ZNF728: variants seen among roughly 807,000 people sequenced by gnomAD.
The protein encoded by ZNF728 is zinc finger protein 728.
A neutral mutation model predicts 12.5 loss-of-function variants in ZNF728; 12 were observed. The observed-to-expected ratio is 0.96, with a 90% CI of 0.61 to 1.55. ZNF728 has a LOEUF of 1.55. ZNF728 is among the 40% of genes most tolerant of loss of function. ZNF728 has a pLI of 0.00. For missense variants in ZNF728, 692 were observed against 719.2 expected, an observed-to-expected ratio of 0.96 and a Z score of 0.43; for synonymous variants, 205 against 240.7, an observed-to-expected ratio of 0.85 and a Z score of 1.37.
rs768463416 is a variant in ZNF728, at chr19:22,975,557, A to C, written c.1780T>G (p.Cys594Gly). 1.3e-6 allele frequency: 2 copies of C among 1,589,672 alleles called. No individual in the cohort carries two copies. Among genetic ancestry groups the C allele is most frequent in the South Asian group, 2.3e-5 (2 of 88,562 alleles). The stretch of plus-strand genomic sequence containing the variant: ...TTGAAGTCTTTACCACATTCTTCAC[A>C]TTTGTAGAATTTCTTTCCAGCATGA... ...KIHAGKKFYK[C>G]EECGKDFNQS... Residue 594 changes from cysteine (C) to glycine (G), a missense_variant, in exon 4 of 4, where the codon TGT becomes GGT. Transcript: ENST00000594710.
chr19:22,977,673 A>G (rs1968821067), intron 3 of ZNF728, among the ~76,000 whole-genome samples: 1 of 152,182 alleles, frequency 6.6e-6, no homozygotes, highest in Non-Finnish European at 1.5e-5. Flanking sequence ...ACTACTTTTC[A>G]GAAGAAACAT....
intron 1 of ZNF728, among the ~76,000 whole-genome samples, chr19:22,991,445 A>T (rs1021034502): frequency 6.6e-6 from 1 of 152,230 alleles, no homozygotes; most frequent in African/African-American, 2.4e-5. Flanking sequence ...TGAAAGGGAT[A>T]CAGATGGAAA....
chr19:22,993,605 GC>G (rs200482690), intron 1 of ZNF728, among the ~76,000 whole-genome samples: 2 of 150,934 alleles, frequency 1.3e-5, no homozygotes, highest in Non-Finnish European at 1.5e-5. Context: ...ATTTGCAAAG[GC>G]AAAAAAAAAG....
chr19:22,993,451 T>C (rs1270303950), intron 1 of ZNF728, among the ~76,000 whole-genome samples: 2 of 152,212 alleles, frequency 1.3e-5, no homozygotes, highest in African/African-American at 2.4e-5. Flanking sequence ...TAGAACATTC[T>C]AAATAATATT....
chr19:22,978,428 C>T (rs1316531506), intron 3 of ZNF728, among the ~76,000 whole-genome samples: 1 of 152,106 alleles, frequency 6.6e-6, no homozygotes, highest in Non-Finnish European at 1.5e-5. Flanking sequence ...ATATGTCTTC[C>T]ATAGGAAAGA....
At chr19:22,986,733 A>T (rs997764825) in intron 3 of ZNF728, among the ~76,000 whole-genome samples, 4 of 152,162 alleles carry the variant, frequency 2.6e-5, no homozygotes, top group Non-Finnish European at 5.9e-5. Flanking sequence ...GTAATGAAAA[A>T]TACAATCATA....
At chr19:23,001,808 G>A (rs1247159677) in intron 1 of ZNF728, among the ~76,000 whole-genome samples, 1 of 152,148 alleles carries the variant, frequency 6.6e-6, no homozygotes, top group African/African-American at 2.4e-5. Context: ...AGGGGAAATT[G>A]GCATTTGGGA....
chr19:23,001,897 T>C lies in ZNF728; in HGVS notation c.3+1131A>G, dbSNP rs547110471. Among the ~76,000 whole-genome samples, 268 of 152,302 alleles carry C rather than the reference T, an allele frequency of 1.8e-3. 1 individual carries two copies. Among genetic ancestry groups the C allele is most frequent in the Middle Eastern group, 6.8e-3 (2 of 294 alleles). On this transcript the variant is annotated intron_variant, in intron 1 of 3. Transcript: ENST00000594710. ...GAGAAATAGGGGATGGGGGATGGAC[T>C]TGAGGCCCTACTTGGGACACATGTG... is the stretch of plus-strand genomic sequence containing the variant.
At chr19:23,000,792 C>G (rs186175840) in intron 1 of ZNF728, among the ~76,000 whole-genome samples, 1 of 142,650 alleles carries the variant, frequency 7.0e-6, no homozygotes, top group Non-Finnish European at 1.5e-5. Context: ...CACTTGAACT[C>G]GTGATGCAGA....
intron 2 of ZNF728, 76 bp from the exon 3 acceptor site, chr19:22,987,479 G>C: frequency 1.5e-6 from 2 of 1,328,792 alleles, no homozygotes; most frequent in Non-Finnish European, 2.0e-6. Context: ...GCTCAGTAAA[G>C]AGGATGTGAT....
chr19:23,000,662 C>G (rs2463794), intron 1 of ZNF728, among the ~76,000 whole-genome samples: 151,684 of 151,902 alleles, frequency 1, 75,736 homozygotes, highest in Non-Finnish European at 1. Context: ...TCAGAATTTT[C>G]AGCTCAAACA....
rs774396404 is a variant in ZNF728 at position 22,976,346 on chromosome 19, T to G, written c.991A>C (p.Lys331Gln). 5.0e-6 allele frequency: 8 copies of G among 1,613,532 alleles called. No individual in the cohort carries two copies. The South Asian group carries it at 7.7e-5, about 16-fold the overall frequency. ...GGCTTCTCTCCAGTATGAATTCTCT[T>G]ATGTTCCATAAGGTTTGAGGACCGG... is the stretch of plus-strand genomic sequence containing the variant. ...FNRSSNLMEH[K>Q]RIHTGEKPCK... is the part of the protein sequence containing the mutation. The change falls in exon 4 of 4, where the codon AAG becomes CAG. Residue 331 changes from lysine to glutamine, a missense_variant. Physicochemically the swap from Lys to Gln is moderately conservative, Grantham distance 53. Coordinates refer to ENST00000594710, the MANE Select transcript of ZNF728 (RefSeq NM_001267716.2).
chr19:22,994,790 A>G (rs905039235), intron 1 of ZNF728, among the ~76,000 whole-genome samples: 2 of 152,202 alleles, frequency 1.3e-5, no homozygotes. Context: ...TTTTAAAGCA[A>G]TAGGTCTCTA....
rs950982287 is a variant in ZNF728 at position 22,975,258 on chromosome 19, G to A, written c.*210C>T. ...CTCTCCAGTATGAGTTGTCTTGTAC[G>A]TAGTAAGCCTTAAGGACTGATTAAA... On this transcript the variant is annotated 3_prime_UTR_variant, in exon 4 of 4. Transcript: ENST00000594710. 4.6e-5 allele frequency among the ~76,000 whole-genome samples: 7 copies of A among 151,832 alleles called. No individual in the cohort carries two copies. Among genetic ancestry groups the A allele is most frequent in the South Asian group, 2.1e-4 (1 of 4,798 alleles).
Position 23,003,148 on chromosome 19 carries a change from C to T in ZNF728, c.-118G>A. 8.1e-7 allele frequency: 1 copy of T among 1,235,418 alleles called. No homozygotes were observed. The highest frequency in any genetic ancestry group is 1.1e-6 in the Non-Finnish European group (1 of 903,300). 76.5% of individuals were successfully genotyped at this position (1,235,418 alleles called of 1,614,324 possible). ...CGACACACAGCAGTAAGGACGACAC[C>T]TTGACCTCCGCGTGCAGCGAGAGCC... On this transcript the variant is annotated 5_prime_UTR_variant, in exon 1 of 4. Transcript: ENST00000594710.
At chr19:22,986,779 C>T (rs576984349) in intron 3 of ZNF728, among the ~76,000 whole-genome samples, 39 of 151,694 alleles carry the variant, frequency 2.6e-4, no homozygotes, top group African/African-American at 8.9e-4. Context: ...TGTGAATAGC[C>T]AAGGAAATCT....
In ZNF728 at chr19:22,988,462, C is replaced by T; in HGVS notation, c.4-11G>A. ...AAATGTCAACGATCCCTGGAAAACA[C>T]ACACAAACACACATATTTACCAAGT... On this transcript the variant is annotated splice_polypyrimidine_tract_variant and intron_variant, in intron 1 of 3. Coordinates refer to ENST00000594710, the MANE Select transcript of ZNF728 (RefSeq NM_001267716.2). The T allele has an allele frequency of 6.2e-7, 1 of 1,613,130 alleles. No homozygotes were observed. Among genetic ancestry groups the T allele is most frequent in the Non-Finnish European group, 8.5e-7 (1 of 1,179,690 alleles).
chr19:22,977,137 A>T, intron 3 of ZNF728, 27 bp from the exon 4 acceptor site: 1 of 1,501,264 alleles, frequency 6.7e-7, no homozygotes, highest in East Asian at 2.4e-5. Context: ...ATAACAAATT[A>T]GTCCACTTAT....
At chr19:22,992,346 G>A (rs1377206450) in intron 1 of ZNF728, among the ~76,000 whole-genome samples, 2 of 151,856 alleles carry the variant, frequency 1.3e-5, no homozygotes, top group African/African-American at 4.8e-5. Context: ...AGGTTCAAGC[G>A]ATTCTCCTGC....
Sources: allele counts gnomAD v4.1 joint callset (sites outside exome capture counted in the v4.1 genomes callset), GRCh38; gene constraint gnomAD v4.1.1; transcripts MANE v1.5; gene names NCBI Gene and HGNC (gene_info 2026-07-23, HGNC 2026-07-21).